Variants in CSMD3 observed in about 807,000 individuals in gnomAD.
The protein encoded by CSMD3 is CUB and sushi domain-containing protein 3.
Under a neutral mutation model 435.2 loss-of-function variants are expected in CSMD3, and 177 were observed. That is an observed-to-expected ratio of 0.41 (90% CI 0.36 to 0.46). The LOEUF (loss-of-function observed/expected upper bound fraction) is 0.46. CSMD3 is among the 20% of genes least tolerant of loss of function. The pLI, the probability that CSMD3 is intolerant of heterozygous loss-of-function variation, is 0.34. For missense variants in CSMD3, 4,265 were observed against 4,504.6 expected (o/e 0.95, Z 1.52); for synonymous variants, 1,656 against 1,520.5 (o/e 1.09, Z -2.07).
intron 27 of CSMD3, among the ~76,000 whole-genome samples, chr8:112,530,645 G>C (rs1417513489): frequency 6.6e-6 from 1 of 152,168 alleles, no homozygotes; most frequent in South Asian, 2.1e-4. Flanking sequence ...TGCCAAGAAA[G>C]TTCTTCAATT....
intron 1 of CSMD3, among the ~76,000 whole-genome samples, chr8:113,394,593 T>C (rs1390829244): frequency 6.6e-6 from 1 of 152,098 alleles, no homozygotes; most frequent in East Asian, 1.9e-4. Flanking sequence ...ACAATGTGTT[T>C]TCCATTTTAG....
At chr8:112,352,902 A>G (rs1826257929) in intron 38 of CSMD3, among the ~76,000 whole-genome samples, 1 of 152,120 alleles carries the variant, frequency 6.6e-6, no homozygotes, top group Non-Finnish European at 1.5e-5. Context: ...ATAGAAATAA[A>G]TAATACTTTA....
chr8:112,557,918 G>T (rs570028193), intron 24 of CSMD3, among the ~76,000 whole-genome samples: 8 of 151,964 alleles, frequency 5.3e-5, no homozygotes, highest in Non-Finnish European at 1.0e-4. Context: ...AAGAGGCCTA[G>T]ATTTTCAATT....
intron 32 of CSMD3, among the ~76,000 whole-genome samples, chr8:112,413,570 C>A (rs1029510048): frequency 6.6e-6 from 1 of 152,148 alleles, no homozygotes; most frequent in African/African-American, 2.4e-5. Context: ...AGAATTCTCA[C>A]TACAGACCAA....
In CSMD3 at chr8:113,395,608, CAAA is replaced by C. The variant is rs34549872; in HGVS notation, c.178+41066_178+41068del. Among the ~76,000 whole-genome samples, 192 of 110,674 alleles carry C rather than the reference CAAA, an allele frequency of 1.7e-3. 1 individual carries two copies. In the South Asian group the frequency reaches 0.021, roughly 12 times the overall value. The allele number at this position is 110,674 out of a possible 152,430, so 72.6% of individuals were successfully genotyped here. A position where few individuals can be genotyped will look rare whatever the true frequency, so the allele number is the denominator to read the frequency against. On this transcript the variant is annotated intron_variant, in intron 1 of 70. Coordinates refer to ENST00000297405, the MANE Select transcript of CSMD3 (RefSeq NM_198123.2). ...TGGGTAACCGAGTGAGACTCCGTCT[CAAA>C]AAAAAAAAAAAAAAAATTGGAAATC...
chr8:112,530,934 T>C (rs1198880733), intron 27 of CSMD3, among the ~76,000 whole-genome samples: 1 of 152,188 alleles, frequency 6.6e-6, no homozygotes, highest in Non-Finnish European at 1.5e-5. Flanking sequence ...GCAGCAATTC[T>C]GTAGTGACCA....
chr8:112,525,815 C>A, intron 27 of CSMD3, among the ~76,000 whole-genome samples: 1 of 114,474 alleles, frequency 8.7e-6, no homozygotes, highest in African/African-American at 3.4e-5. Flanking sequence ...TATATACACA[C>A]ACATATAAAA....
chr8:113,310,423 A>G (rs1008962008), intron 2 of CSMD3: 1 of 152,002 alleles, frequency 6.6e-6, no homozygotes, highest in East Asian at 1.9e-4. Context: ...CTAAGATTTA[A>G]CAAGCAACCA....
chr8:113,115,698 TTG>T (rs1305018792), intron 4 of CSMD3, among the ~76,000 whole-genome samples: 1 of 152,180 alleles, frequency 6.6e-6, no homozygotes, highest in Non-Finnish European at 1.5e-5. Flanking sequence ...TAGTGAAACT[TTG>T]TGTTATTTTG....
At chr8:112,702,719 G>C (rs2076415092) in intron 13 of CSMD3, among the ~76,000 whole-genome samples, 1 of 151,986 alleles carries the variant, frequency 6.6e-6, no homozygotes, top group African/African-American at 2.4e-5. Flanking sequence ...AGTAGGGTGA[G>C]GAGGTCAGGA....
At chr8:113,363,165 A>T (rs1397714264) in intron 1 of CSMD3, among the ~76,000 whole-genome samples, 6 of 152,238 alleles carry the variant, frequency 3.9e-5, no homozygotes, top group Admixed American at 1.3e-4. Context: ...CACATTGATC[A>T]TTGTGAACCA....
At chr8:112,243,571 C>A (rs532686928) in intron 65 of CSMD3, among the ~76,000 whole-genome samples, 5 of 152,114 alleles carry the variant, frequency 3.3e-5, no homozygotes, top group African/African-American at 1.2e-4. Context: ...GAGATGGGAT[C>A]CATTCAAAAT....
intron 5 of CSMD3, among the ~76,000 whole-genome samples, chr8:113,071,014 A>G (rs1235413378): frequency 6.6e-6 from 1 of 152,016 alleles, no homozygotes; most frequent in Admixed American, 6.6e-5. Flanking sequence ...AGCCATTCTA[A>G]CAGATGTGAG....
intron 32 of CSMD3, among the ~76,000 whole-genome samples, chr8:112,438,044 C>A (rs143776309): frequency 3.9e-5 from 6 of 152,268 alleles, no homozygotes; most frequent in African/African-American, 1.4e-4. Context: ...CACAATTCTC[C>A]ATCATATCTA....
intron 2 of CSMD3, among the ~76,000 whole-genome samples, chr8:113,290,592 A>G (rs1052353762): frequency 1.3e-4 from 19 of 151,732 alleles, no homozygotes; most frequent in Admixed American, 8.6e-4. Flanking sequence ...TAAATAACAT[A>G]ACACCTCAAA....
intron 23 of CSMD3, among the ~76,000 whole-genome samples, chr8:112,582,822 T>C (rs1270163098): frequency 6.6e-6 from 1 of 151,972 alleles, no homozygotes; most frequent in Non-Finnish European, 1.5e-5. Context: ...TAAGTGCCCT[T>C]GTAAAAGATA....
chr8:113,019,187 A>G lies in CSMD3; in HGVS notation c.918-8T>C. 3 of 1,563,238 alleles carry G rather than the reference A, an allele frequency of 1.9e-6. No individual in the cohort carries two copies. The highest frequency in any genetic ancestry group is 2.6e-6 in the Non-Finnish European group (3 of 1,133,720). ...ATATTCATTCCAGATAACCTGAATT[A>G]CAAAAGACAACAACAAAAAAATTTA... On this transcript the variant is annotated splice_polypyrimidine_tract_variant and splice_region_variant and intron_variant, in intron 5 of 70. Coordinates refer to ENST00000297405, the MANE Select transcript of CSMD3 (RefSeq NM_198123.2).
intron 1 of CSMD3, among the ~76,000 whole-genome samples, chr8:113,401,912 T>C (rs913023815): frequency 6.6e-6 from 1 of 151,608 alleles, no homozygotes; most frequent in African/African-American, 2.4e-5. Context: ...CACCACACAG[T>C]ATAGATGTAG....
chr8:113,367,742 C>T (rs1448686770), intron 1 of CSMD3, among the ~76,000 whole-genome samples: 1 of 151,998 alleles, frequency 6.6e-6, no homozygotes, highest in Non-Finnish European at 1.5e-5. Context: ...TTGGAACAGT[C>T]TAATCTCCTG....
Sources: gnomAD v4.1 joint callset for allele counts (sites outside exome capture counted in the v4.1 genomes callset) on GRCh38, gnomAD v4.1.1 for gene constraint, MANE v1.5 for transcripts, NCBI Gene and HGNC (gene_info 2026-07-23, HGNC 2026-07-21) for gene names.